The following LRP10 variants were observed in gnomAD, a reference collection of about 807,000 sequenced individuals.
LRP10 encodes low-density lipoprotein receptor-related protein 10.
LRP10 carries 42 observed loss-of-function variants against 58.5 expected under a neutral mutation model. The ratio of observed to expected loss-of-function variants is 0.72; its 90% CI spans 0.56 to 0.93. The LOEUF (loss-of-function observed/expected upper bound fraction) is 0.93. Ranked by LOEUF, LRP10 falls within the 40% of genes least tolerant of loss-of-function variation. The pLI, the probability that LRP10 is intolerant of heterozygous loss-of-function variation, is 0.00. For synonymous variants in LRP10, 377 were observed against 388.5 expected, an observed-to-expected ratio of 0.97 and a Z score of 0.35; for missense variants, 872 against 940.1, an observed-to-expected ratio of 0.93 and a Z score of 0.95.
In LRP10 at chr14:22,872,293, G is replaced by A. The variant is rs1263616622; in HGVS notation, c.-11G>A. The A allele has an allele frequency of 1.9e-6, 3 of 1,613,956 alleles. No homozygotes were observed. Among genetic ancestry groups the A allele is most frequent in the Non-Finnish European group, 1.7e-6 (2 of 1,179,912 alleles). On this transcript the variant is annotated 5_prime_UTR_variant, in exon 1 of 7. Coordinates refer to ENST00000359591, the MANE Select transcript of LRP10 (RefSeq NM_014045.5). ...CTCCGGGACCCTTCCGGCACCTCTG[G>A]ACAGCCCAGGATGCTGTTGGCCACC...
At chr14:22,876,887 C>T in intron 6 of LRP10, 53 bp from the exon 7 acceptor site, 1 of 1,590,962 alleles carries the variant, frequency 6.3e-7, no homozygotes, top group Non-Finnish European at 8.6e-7. Flanking sequence ...CCTGTACCCT[C>T]CTTCATTCAG....
rs1249721293 is a variant in LRP10, at chr14:22,872,316, A to C, written c.13A>C (p.Thr5Pro). The C allele has an allele frequency of 6.2e-7, 1 of 1,612,246 alleles. No homozygotes were observed. The change falls in exon 1 of 7, where the codon ACC becomes CCC. Residue 5 changes from threonine (T) to proline (P), a missense_variant. Transcript: ENST00000359591. Reference sequence around the variant, plus strand: ...TGGACAGCCCAGGATGCTGTTGGCCACCCTCCTCCTCCTCCTCCTTGGTAA... The same window carrying C: ...TGGACAGCCCAGGATGCTGTTGGCCCCCCTCCTCCTCCTCCTCCTTGGTAA... MLLA[T>P]LLLLLLGGAL...
In LRP10 at chr14:22,876,132, G is replaced by T; in HGVS notation, c.1184G>T (p.Arg395Leu). 1 of 1,614,186 alleles carries T rather than the reference G, an allele frequency of 6.2e-7. No individual in the cohort carries two copies. Among genetic ancestry groups the T allele is most frequent in the Non-Finnish European group, 8.5e-7 (1 of 1,180,050 alleles). ...TGTGCTGATGGAGCAGATGAGAGAC[G>T]CTGTCGGCATTGCCAGCCTGGCAAT... is the stretch of plus-strand genomic sequence containing the variant. ...TFCADGADER[R>L]CRHCQPGNFR... is the part of the protein sequence containing the mutation. Residue 395 changes from arginine to leucine, a missense_variant, in exon 5 of 7, where the codon CGC becomes CTC. Transcript: ENST00000359591.
intron 3 of LRP10, 43 bp downstream of exon 3, chr14:22,873,489 C>A: frequency 6.3e-7 from 1 of 1,595,976 alleles, no homozygotes; most frequent in Non-Finnish European, 8.6e-7. Flanking sequence ...TTCTCCCCTG[C>A]CCCTTCCCCT....
chr14:22,872,591 T>TC, intron 1 of LRP10, 147 bp from the exon 2 acceptor site: 1 of 777,778 alleles, frequency 1.3e-6, no homozygotes, highest in African/African-American at 1.8e-5. Flanking sequence ...TCCATGGAAG[T>TC]CCCACGCCGC....
chr14:22,877,962 C>A lies in LRP10; in HGVS notation c.*435C>A. ...GATTTGGGCAGAACCTGAGGTTTTG[C>A]CATCCACAATCCCTCCTACAGGGCC... On this transcript the variant is annotated 3_prime_UTR_variant, in exon 7 of 7. Transcript: ENST00000359591. This position sits in a 1 kb window ranked among gnomAD's most constrained non-coding sequence, Gnocchi z 5.1. 1 of 161,206 alleles carries A rather than the reference C, an allele frequency of 6.2e-6. No homozygotes were observed. Among genetic ancestry groups the A allele is most frequent in the Non-Finnish European group, 1.3e-5 (1 of 74,360 alleles). The allele number at this position is 161,206 out of a possible 1,614,324, so 10.0% of individuals were successfully genotyped here.
rs2039969933 is a variant in LRP10 at position 22,872,786 on chromosome 14, A to C, written c.79+4A>C. The C allele has an allele frequency of 6.2e-7, 1 of 1,614,048 alleles. No individual in the cohort carries two copies. The highest frequency in any genetic ancestry group is 1.1e-5 in the South Asian group (1 of 91,080). On this transcript the variant is annotated splice_donor_region_variant and intron_variant, in intron 2 of 6. Transcript: ENST00000359591. The stretch of plus-strand genomic sequence containing the variant: ...CGGATTATTTTTCCAAATCATGGTG[A>C]GTTGAGGGAACCTCTGGGGCTCCGT...
chr14:22,871,908 T>C lies in LRP10; in HGVS notation c.-396T>C, dbSNP rs1210675811. 7.0e-6 allele frequency: 2 copies of C among 285,592 alleles called. No individual in the cohort carries two copies. The highest frequency in any genetic ancestry group is 1.3e-5 in the Non-Finnish European group (2 of 150,076). The allele number at this position is 285,592 out of a possible 1,614,324, so 17.7% of individuals were successfully genotyped here. A position where few individuals can be genotyped will look rare whatever the true frequency, so the allele number is the denominator to read the frequency against. On this transcript the variant is annotated 5_prime_UTR_variant, in exon 1 of 7. Transcript: ENST00000359591. The stretch of plus-strand genomic sequence containing the variant: ...CCCGGCCGGCCCTGGGGGCTGACAG[T>C]CGGCAAAGTTTGGCCCGAAGAGGAA...
Position 22,876,794 on chromosome 14 carries a change from C to G in LRP10, c.1530C>G (p.Asp510Glu). Residue 510 changes from aspartate (D) to glutamate (E), a missense_variant, in exon 6 of 7, where the codon GAC becomes GAG. Coordinates refer to ENST00000359591, the MANE Select transcript of LRP10 (RefSeq NM_014045.5). ...AGGGTGCCATCCCACCTGTAGAAGA[C>G]TTTCCTACAGAGAATCCTAATGATG... ...IAQGAIPPVE[D>E]FPTENPNDNS... The G allele has an allele frequency of 6.2e-7, 1 of 1,613,900 alleles. No individual in the cohort carries two copies. The highest frequency in any genetic ancestry group is 8.5e-7 in the Non-Finnish European group (1 of 1,179,882).
In LRP10 at chr14:22,875,241, C is replaced by A; in HGVS notation, c.402C>A (p.Ser134Arg). ...GCCAGGGCTTCCTGCTCTCCTACAG[C>A]CAAGGTAGGCTGGACAGGGATGTCT... ...PMGQGFLLSY[S>R]QDWLMCLQEE... Residue 134 changes from serine to arginine, a missense_variant, in exon 4 of 7, where the codon AGC (serine) becomes AGA (arginine). Ser to Arg is a moderately radical substitution (Grantham distance 110). Transcript: ENST00000359591. 2 of 1,592,934 alleles carry A rather than the reference C, an allele frequency of 1.3e-6. No individual in the cohort carries two copies. Among genetic ancestry groups the A allele is most frequent in the Non-Finnish European group, 1.7e-6 (2 of 1,167,210 alleles).
chr14:22,872,828 G>C (rs1190036179), intron 2 of LRP10, 46 bp downstream of exon 2: 1 of 1,593,802 alleles, frequency 6.3e-7, no homozygotes, highest in Admixed American at 1.7e-5. Context: ...GGGAATGAGG[G>C]AGCAGTCGAG....
chr14:22,872,113 G>T lies in LRP10; in HGVS notation c.-191G>T. On this transcript the variant is annotated 5_prime_UTR_variant, in exon 1 of 7. Transcript: ENST00000359591. Reference sequence around the variant, plus strand: ...AACTCCAAAGTTGGCGAAAGGCACCGCCCCTACTCCCGGGCTGCCGCCGCC... The same window carrying T: ...AACTCCAAAGTTGGCGAAAGGCACCTCCCCTACTCCCGGGCTGCCGCCGCC... 1.6e-6 allele frequency: 1 copy of T among 618,276 alleles called. No individual in the cohort carries two copies. The highest frequency in any genetic ancestry group is 2.8e-5 in the East Asian group (1 of 35,582). 38.3% of individuals were successfully genotyped at this position (618,276 alleles called of 1,614,324 possible).
In LRP10 at chr14:22,875,597, C is replaced by T; in HGVS notation, c.649C>T (p.Pro217Ser). Residue 217 changes from proline (P) to serine (S), a missense_variant, in exon 5 of 7, where the codon CCC becomes TCC. Physicochemically the swap from Pro to Ser is moderately conservative, Grantham distance 74. Coordinates refer to ENST00000359591, the MANE Select transcript of LRP10 (RefSeq NM_014045.5). ...TACACACCTAGCCTCAGTCTCCCAC[C>T]CCCAGTCCTGCCATTGGCTGCTGGA... ...GYTHLASVSH[P>S]QSCHWLLDPH... 6.2e-7 allele frequency: 1 copy of T among 1,614,164 alleles called. No individual in the cohort carries two copies. The highest frequency in any genetic ancestry group is 8.5e-7 in the Non-Finnish European group (1 of 1,180,036).
rs1206849585 is a variant in LRP10 at position 22,875,407 on chromosome 14, A to G, written c.459A>G (p.Val153=). 8.7e-6 allele frequency: 14 copies of G among 1,613,966 alleles called. No homozygotes were observed. Among genetic ancestry groups the G allele is most frequent in the Non-Finnish European group, 1.2e-5 (14 of 1,180,026 alleles). ...TTCAGTGCCTGAACCACCGCTGTGT[A>G]TCTGCTGTCCAGCGCTGTGATGGGG... The part of the protein sequence containing the change: ...EEFQCLNHRC[V]SAVQRCDGVD... The change falls in exon 5 of 7, where the codon GTA becomes GTG. Residue 153 remains valine, a synonymous_variant. Transcript: ENST00000359591.
In LRP10 at chr14:22,871,934, G is replaced by A. The variant is rs1449408297; in HGVS notation, c.-370G>A. 2 of 360,994 alleles carry A rather than the reference G, an allele frequency of 5.5e-6. No homozygotes were observed. The highest frequency in any genetic ancestry group is 1.0e-5 in the Non-Finnish European group (2 of 197,398). The allele number at this position is 360,994 out of a possible 1,614,324, so 22.4% of individuals were successfully genotyped here. On this transcript the variant is annotated 5_prime_UTR_variant, in exon 1 of 7. In the 5' UTR this introduces an upstream ATG that the reference lacks. Transcript: ENST00000359591. ...CGGCAAAGTTTGGCCCGAAGAGGAA[G>A]TGGTCTCAAACCCCGGCAGGTGGCG...
intron 2 of LRP10, 63 bp downstream of exon 2, chr14:22,872,845 T>A (rs1478960095): frequency 6.5e-7 from 1 of 1,536,606 alleles, no homozygotes; most frequent in African/African-American, 1.4e-5. Context: ...CGAGAAGGAC[T>A]CTCTGTTCCC....
chr14:22,878,407 T>A lies in LRP10; in HGVS notation c.*880T>A, dbSNP rs990939589. 6.6e-6 allele frequency: 1 copy of A among 152,138 alleles called. No homozygotes were observed. Among genetic ancestry groups the A allele is most frequent in the African/African-American group, 2.4e-5 (1 of 41,388 alleles). 9.4% of individuals were successfully genotyped at this position (152,138 alleles called of 1,614,324 possible). A position where few individuals can be genotyped will look rare whatever the true frequency, so the allele number is the denominator to read the frequency against. ...GGCCCTGCGGTCAGGAAGGTTCTCA[T>A]TTTTGGAGCATACCCTGAGCCCAGA... On this transcript the variant is annotated 3_prime_UTR_variant, in exon 7 of 7. Transcript: ENST00000359591.
In LRP10 at chr14:22,876,028, C is replaced by T. The variant is rs753411614; in HGVS notation, c.1080C>T (p.His360=). The T allele has an allele frequency of 1.9e-6, 3 of 1,613,288 alleles. No individual in the cohort carries two copies. The highest frequency in any genetic ancestry group is 2.5e-6 in the Non-Finnish European group (3 of 1,179,966). The change falls in exon 5 of 7, where the codon CAC becomes CAT. Residue 360 remains histidine, a synonymous_variant. Transcript: ENST00000359591. ...EEDCPGCPPG[H]FPCGAAGTSG... ...ACTGCCCAGGCTGCCCACCTGGACA[C>T]TTCCCCTGTGGGGCTGCTGGCACCT...
chr14:22,876,115 T>C lies in LRP10; in HGVS notation c.1167T>C (p.Asp389=), dbSNP rs2040002666. 2 of 1,614,050 alleles carry C rather than the reference T, an allele frequency of 1.2e-6. No homozygotes were observed. The highest frequency in any genetic ancestry group is 1.3e-5 in the African/African-American group (1 of 74,934). ...DRCNYQTFCA[D]GADERRCRHC... is the part of the protein sequence containing the mutation. ...GCAACTACCAGACTTTCTGTGCTGA[T>C]GGAGCAGATGAGAGACGCTGTCGGC... Residue 389 remains aspartate, a synonymous_variant, in exon 5 of 7, where the codon GAT becomes GAC. Transcript: ENST00000359591.
Sources: gnomAD v4.1 joint callset for allele counts on GRCh38, gnomAD v4.1.1 for gene constraint, Gnocchi (gnomAD v3.1) non-coding constraint, MANE v1.5 for transcripts, NCBI Gene and HGNC (gene_info 2026-07-23, HGNC 2026-07-21) for gene names.